GALNTL6: variants seen among roughly 807,000 people sequenced by gnomAD.
The protein encoded by GALNTL6 is polypeptide N-acetylgalactosaminyltransferase-like 6.
GALNTL6 carries 46 observed loss-of-function variants against 73.7 expected under a neutral mutation model. The observed-to-expected ratio is 0.62, with a 90% CI of 0.49 to 0.80. The LOEUF is 0.80. Among genes scored for constraint, GALNTL6 ranks in the 30% least tolerant of loss-of-function variants. The pLI is 0.00. For synonymous variants in GALNTL6, 259 were observed against 263.7 expected (o/e 0.98, Z 0.17); for missense variants, 604 against 755.0 (o/e 0.80, Z 2.34).
At chr4:172,275,066 A>G (rs570094660) in intron 3 of GALNTL6, among the ~76,000 whole-genome samples, 1 of 152,312 alleles carries the variant, frequency 6.6e-6, no homozygotes, top group East Asian at 1.9e-4. Flanking sequence ...ACATTTTCCC[A>G]GAACAGATCT....
At chr4:172,963,379 C>T (rs535540291) in intron 10 of GALNTL6, among the ~76,000 whole-genome samples, 1 of 152,270 alleles carries the variant, frequency 6.6e-6, no homozygotes, top group Non-Finnish European at 1.5e-5. Context: ...CTTTATTTTT[C>T]TCCCTAGCAT....
chr4:171,915,397 T>C (rs1737588558), intron 2 of GALNTL6, among the ~76,000 whole-genome samples: 1 of 152,178 alleles, frequency 6.6e-6, no homozygotes, highest in Non-Finnish European at 1.5e-5. Context: ...ACGTAGGGGC[T>C]GAATGCAACC....
At chr4:172,441,723 C>A (rs1731844950) in intron 5 of GALNTL6, among the ~76,000 whole-genome samples, 1 of 151,966 alleles carries the variant, frequency 6.6e-6, no homozygotes, top group Non-Finnish European at 1.5e-5. Flanking sequence ...ATATGATTGT[C>A]CCTAAGTTTA....
At chr4:171,928,953 AT>A (rs1738081226) in intron 2 of GALNTL6, among the ~76,000 whole-genome samples, 2 of 152,242 alleles carry the variant, frequency 1.3e-5, no homozygotes, top group African/African-American at 4.8e-5. Flanking sequence ...TGGCTATAAT[AT>A]AAGAAATTAT....
At chr4:172,379,159 C>T (rs1318956374) in intron 5 of GALNTL6, among the ~76,000 whole-genome samples, 1 of 152,134 alleles carries the variant, frequency 6.6e-6, no homozygotes, top group Non-Finnish European at 1.5e-5. Context: ...TTTAATGTTC[C>T]CATTCTGGTT....
At chr4:171,827,648 A>G (rs1734859334) in intron 2 of GALNTL6, among the ~76,000 whole-genome samples, 1 of 152,156 alleles carries the variant, frequency 6.6e-6, no homozygotes, top group South Asian at 2.1e-4. Flanking sequence ...CTGAAATTAA[A>G]TTCCTTTCAT....
At chr4:172,132,460 C>A (rs968287379) in intron 2 of GALNTL6, among the ~76,000 whole-genome samples, 3 of 152,026 alleles carry the variant, frequency 2.0e-5, no homozygotes, top group African/African-American at 4.8e-5. Context: ...TCAACATTGT[C>A]AATTTTGGCT....
In GALNTL6 at chr4:172,604,533, C is replaced by T. The variant is rs147674796; in HGVS notation, c.554-204828C>T. The stretch of plus-strand genomic sequence containing the variant: ...AAAAATTATGTTCTGTATAAAATGG[C>T]GATCTCAAAGTCTTTGAAACTTGAA... On this transcript the variant is annotated intron_variant, in intron 5 of 12. Transcript: ENST00000506823. Among the ~76,000 whole-genome samples the T allele has an allele frequency of 2.8e-3, 427 of 152,126 alleles. 1 individual carries two copies. Among genetic ancestry groups the T allele is most frequent in the African/African-American group, 9.7e-3 (402 of 41,526 alleles).
chr4:171,994,526 G>T (rs1254195833), intron 2 of GALNTL6, among the ~76,000 whole-genome samples: 1 of 152,012 alleles, frequency 6.6e-6, no homozygotes, highest in Non-Finnish European at 1.5e-5. Flanking sequence ...GAGGAAGGTT[G>T]GGAGGAGGAT....
At position 171,841,043 on chromosome 4, in the gene GALNTL6, C is replaced by T. The variant is rs533950769; in HGVS notation, c.138+26325C>T. On this transcript the variant is annotated intron_variant, in intron 2 of 12. Transcript: ENST00000506823. The stretch of plus-strand genomic sequence containing the variant: ...TTGTGGATTCTGTTTCTAGAACCTC[C>T]GGTACTTGTACCAAGGGTGGCTGTG... Among the ~76,000 whole-genome samples the T allele has an allele frequency of 6.6e-5, 10 of 152,240 alleles. No homozygotes were observed. In the South Asian group the frequency reaches 1.0e-3, roughly 16 times the overall value.
chr4:172,827,113 T>C (rs1461807155), intron 7 of GALNTL6, among the ~76,000 whole-genome samples: 1 of 152,222 alleles, frequency 6.6e-6, no homozygotes, highest in Non-Finnish European at 1.5e-5. Flanking sequence ...CCATCTGCTC[T>C]CTTGCATGGT....
At chr4:171,863,373 C>A (rs1735885946) in intron 2 of GALNTL6, among the ~76,000 whole-genome samples, 2 of 152,084 alleles carry the variant, frequency 1.3e-5, no homozygotes, top group African/African-American at 4.8e-5. Flanking sequence ...TATGGAGAGA[C>A]TAGAAGAGTG....
At chr4:171,931,104 A>G (rs1560846506) in intron 2 of GALNTL6, among the ~76,000 whole-genome samples, 2 of 152,244 alleles carry the variant, frequency 1.3e-5, no homozygotes, top group Non-Finnish European at 2.9e-5. Flanking sequence ...AGATTCATAA[A>G]GAATTTCTCC....
chr4:171,935,601 C>T (rs1158567465), intron 2 of GALNTL6, among the ~76,000 whole-genome samples: 1 of 152,172 alleles, frequency 6.6e-6, no homozygotes, highest in Non-Finnish European at 1.5e-5. Flanking sequence ...TCCAGAATAT[C>T]TGGGACCACA....
intron 2 of GALNTL6, among the ~76,000 whole-genome samples, chr4:172,109,940 G>A (rs1318797905): frequency 6.6e-6 from 1 of 152,132 alleles, no homozygotes; most frequent in Non-Finnish European, 1.5e-5. Context: ...AAAACAAGTT[G>A]TTACTTTTAT....
chr4:173,021,666 G>T, intron 12 of GALNTL6, 41 bp downstream of exon 12: 1 of 1,601,864 alleles, frequency 6.2e-7, no homozygotes. Flanking sequence ...AATTACTGTG[G>T]TTTAAGTTAT....
chr4:172,860,633 T>C (rs910361909), intron 7 of GALNTL6, among the ~76,000 whole-genome samples: 44 of 152,308 alleles, frequency 2.9e-4, no homozygotes, highest in Non-Finnish European at 1.0e-4. Flanking sequence ...TAATAAAGAT[T>C]GCATAGAAAA....
chr4:172,096,228 C>T (rs935932531), intron 2 of GALNTL6, among the ~76,000 whole-genome samples: 1 of 151,990 alleles, frequency 6.6e-6, no homozygotes, highest in African/African-American at 2.4e-5. Context: ...CTCAGCCTCC[C>T]AAATAGCTAG....
intron 2 of GALNTL6, among the ~76,000 whole-genome samples, chr4:171,992,128 G>A (rs1740355489): frequency 6.6e-6 from 1 of 151,972 alleles, no homozygotes; most frequent in Non-Finnish European, 1.5e-5. Context: ...TATCTTTTCA[G>A]TGGAAAGCAG....
Sources: gnomAD v4.1 joint callset for allele counts (sites outside exome capture counted in the v4.1 genomes callset) on GRCh38, gnomAD v4.1.1 for gene constraint, MANE v1.5 for transcripts, NCBI Gene and HGNC (gene_info 2026-07-23, HGNC 2026-07-21) for gene names.